The following DPF3 variants were observed in gnomAD, a reference collection of about 807,000 sequenced individuals.
The protein encoded by DPF3 is double PHD fingers 3.
In DPF3, 18 loss-of-function variants were observed where a neutral mutation model predicts 56.8. The observed-to-expected ratio is 0.32, with a 90% CI of 0.22 to 0.47. The LOEUF (loss-of-function observed/expected upper bound fraction) is 0.47, where lower values mean the gene tolerates loss of function less well. DPF3 is among the 20% of genes least tolerant of loss of function. DPF3 has a pLI of 1.00. For synonymous variants in DPF3, 188 were observed against 180.2 expected (o/e 1.04, Z -0.35); for missense variants, 403 against 488.8 (o/e 0.82, Z 1.65).
rs1295139967 is a variant in DPF3, at chr14:72,611,941, C to T, written c.*7356G>A. ...TTGACCTACAATCACGATTGCTTGGCAGAGCTTAATTTCATGGCTGAAAAG... is the reference window on the plus strand; with the variant it reads ...TTGACCTACAATCACGATTGCTTGGTAGAGCTTAATTTCATGGCTGAAAAG... On this transcript the variant is annotated 3_prime_UTR_variant, in exon 11 of 11. Transcript: ENST00000556509. Among the ~76,000 whole-genome samples, 3 of 152,170 alleles carry T rather than the reference C, an allele frequency of 2.0e-5. No homozygotes were observed. The highest frequency in any genetic ancestry group is 3.9e-4 in the East Asian group (2 of 5,180).
At position 72,824,540 on chromosome 14, in the gene DPF3, GTTTTCT is replaced by G. The variant is rs1181596770; in HGVS notation, c.33-52653_33-52648del. Among the ~76,000 whole-genome samples the G allele has an allele frequency of 2.1e-5, 3 of 141,220 alleles. No homozygotes were observed. The East Asian group carries it at 6.2e-4, about 29-fold the overall frequency. The allele number at this position is 141,220 out of a possible 152,430, so 92.6% of individuals were successfully genotyped here. ...TGCTTGTATCTCTTTTTCCATTTAC[GTTTTCT>G]TTTTCTTTTTTTTTTTTTGTTTGTT... On this transcript the variant is annotated intron_variant, in intron 1 of 10. Transcript: ENST00000556509.
chr14:72,768,400 T>C (rs952408891), intron 2 of DPF3, among the ~76,000 whole-genome samples: 2 of 152,124 alleles, frequency 1.3e-5, no homozygotes, highest in East Asian at 3.8e-4. Context: ...GAGTGTTGGG[T>C]GGTAATAGAA....
At chr14:72,765,831 G>A (rs554423939) in intron 2 of DPF3, among the ~76,000 whole-genome samples, 9 of 152,164 alleles carry the variant, frequency 5.9e-5, no homozygotes, top group Admixed American at 1.3e-4. Context: ...GGAGAATGGC[G>A]TGAACCCAGG....
intron 1 of DPF3, among the ~76,000 whole-genome samples, chr14:72,839,918 G>A (rs556142918): frequency 2.6e-5 from 4 of 152,286 alleles, no homozygotes; most frequent in African/African-American, 9.6e-5. Context: ...CTCCAGGTGC[G>A]ATCAGGAAGT....
chr14:72,864,691 T>G (rs1020197497), intron 1 of DPF3, among the ~76,000 whole-genome samples: 3 of 152,074 alleles, frequency 2.0e-5, no homozygotes, highest in African/African-American at 7.2e-5. Flanking sequence ...GATGGATGGA[T>G]GGATGGATGG....
At chr14:72,837,224 G>C (rs1884333842) in intron 1 of DPF3, among the ~76,000 whole-genome samples, 1 of 152,114 alleles carries the variant, frequency 6.6e-6, no homozygotes, top group Admixed American at 6.6e-5. Flanking sequence ...TGGGGGAAAG[G>C]TTTACTGATC....
rs193163191 is a variant in DPF3, at chr14:72,778,913, G to A, written c.33-7020C>T. Among the ~76,000 whole-genome samples the A allele has an allele frequency of 5.1e-4, 78 of 152,228 alleles. No individual in the cohort carries two copies. The East Asian group carries it at 0.014, about 27-fold the overall frequency. On this transcript the variant is annotated intron_variant, in intron 1 of 10. Coordinates refer to ENST00000556509, the MANE Select transcript of DPF3 (RefSeq NM_001280542.3). Reference sequence around the variant, plus strand: ...CTACTAGACTATAAACTCCATGAGGGCAGAGGCCACATCTGCAGAGCCACT... The same window carrying A: ...CTACTAGACTATAAACTCCATGAGGACAGAGGCCACATCTGCAGAGCCACT...
chr14:72,707,033 G>A (rs2153574807), intron 6 of DPF3, among the ~76,000 whole-genome samples: 1 of 151,930 alleles, frequency 6.6e-6, no homozygotes, highest in East Asian at 1.9e-4. Flanking sequence ...GTGTCCATGT[G>A]TTCTCATTGT....
chr14:72,835,640 G>A (rs531922120), intron 1 of DPF3, among the ~76,000 whole-genome samples: 2 of 152,242 alleles, frequency 1.3e-5, no homozygotes, highest in Admixed American at 1.3e-4. Flanking sequence ...ACCCTTAAAT[G>A]TCTTCACACA....
chr14:72,837,959 G>A (rs1884367694), intron 1 of DPF3, among the ~76,000 whole-genome samples: 1 of 152,182 alleles, frequency 6.6e-6, no homozygotes, highest in Admixed American at 6.6e-5. Context: ...CCTGCTGCAA[G>A]CTTTTTCCTC....
chr14:72,824,174 G>C (rs1319714026), intron 1 of DPF3, among the ~76,000 whole-genome samples: 7 of 152,162 alleles, frequency 4.6e-5, no homozygotes, highest in Admixed American at 2.0e-4. Flanking sequence ...CTGCAAAGTG[G>C]TGGAGGAAAG....
chr14:72,718,095 G>T (rs951660555), intron 5 of DPF3, among the ~76,000 whole-genome samples: 12 of 152,198 alleles, frequency 7.9e-5, no homozygotes, highest in African/African-American at 2.7e-4. Context: ...GAGCCTTATG[G>T]GGCCATGTAC....
chr14:72,626,455 T>C (rs1414163038), intron 9 of DPF3, among the ~76,000 whole-genome samples: 1 of 152,162 alleles, frequency 6.6e-6, no homozygotes, highest in East Asian at 1.9e-4. Context: ...TATTTTACTT[T>C]GCTTTTTTAC....
At chr14:72,711,247 C>T (rs1314855690) in intron 6 of DPF3, among the ~76,000 whole-genome samples, 1 of 152,152 alleles carries the variant, frequency 6.6e-6, no homozygotes, top group Non-Finnish European at 1.5e-5. Context: ...ACAAAAATGG[C>T]AGGGACGGCA....
At position 72,672,062 on chromosome 14, in the gene DPF3, C is replaced by G. The variant is rs57430190; in HGVS notation, c.871+2178G>C. On this transcript the variant is annotated intron_variant, in intron 8 of 10. Transcript: ENST00000556509. Reference sequence around the variant, plus strand: ...ACACACACACACACACACACACAGACACACACACACACACACACACACCCA... The same window carrying G: ...ACACACACACACACACACACACAGAGACACACACACACACACACACACCCA... 7.6e-3 allele frequency among the ~76,000 whole-genome samples: 969 copies of G among 126,966 alleles called. 10 individuals are homozygous for G. Among genetic ancestry groups the G allele is most frequent in the African/African-American group, 0.029 (934 of 32,578 alleles). The allele number at this position is 126,966 out of a possible 152,430, so 83.3% of individuals were successfully genotyped here. A position where few individuals can be genotyped will look rare whatever the true frequency, so the allele number is the denominator to read the frequency against.
At chr14:72,659,428 C>T (rs944458344) in intron 8 of DPF3, among the ~76,000 whole-genome samples, 1 of 152,112 alleles carries the variant, frequency 6.6e-6, no homozygotes, top group African/African-American at 2.4e-5. Context: ...CATTATCAGA[C>T]ACGTGAAAAA....
intron 1 of DPF3, among the ~76,000 whole-genome samples, chr14:72,832,428 C>A (rs1304738059): frequency 6.6e-6 from 1 of 152,078 alleles, no homozygotes; most frequent in Non-Finnish European, 1.5e-5. Context: ...GGACTCCAAA[C>A]AAGTAAGAGA....
At chr14:72,641,577 G>A (rs575003252) in intron 8 of DPF3, among the ~76,000 whole-genome samples, 6 of 152,232 alleles carry the variant, frequency 3.9e-5, no homozygotes, top group African/African-American at 7.2e-5. Flanking sequence ...CCCAGAGTCT[G>A]ATCAAGTGGC....
intron 8 of DPF3, chr14:72,661,585 C>T (rs1001985628): frequency 4.8e-5 from 47 of 985,386 alleles, no homozygotes; most frequent in Admixed American, 1.2e-4. Context: ...ACAGACACAG[C>T]GCCGAGATAC....
Sources: gnomAD v4.1 joint callset for allele counts (sites outside exome capture counted in the v4.1 genomes callset) on GRCh38, gnomAD v4.1.1 for gene constraint, MANE v1.5 for transcripts, NCBI Gene and HGNC (gene_info 2026-07-23, HGNC 2026-07-21) for gene names.